Variants in IDE observed in about 807,000 individuals in gnomAD.
The protein encoded by IDE is insulin degrading enzyme, also known as insulin-degrading enzyme.
A neutral mutation model predicts 133.2 loss-of-function variants in IDE; 58 were observed. The ratio of observed to expected loss-of-function variants is 0.44; its 90% CI spans 0.35 to 0.54. The LOEUF (loss-of-function observed/expected upper bound fraction) is 0.54, where lower values mean the gene tolerates loss of function less well. Among genes scored for constraint, IDE ranks in the 20% least tolerant of loss-of-function variants. The pLI is 0.00. For missense variants in IDE, 981 were observed against 1,234.0 expected (o/e 0.79, Z 3.07); for synonymous variants, 396 against 421.3 (o/e 0.94, Z 0.73).
Position 92,465,756 on chromosome 10 carries a change from G to A in IDE, c.2408C>T (p.Ser803Leu). 1 of 1,613,870 alleles carries A rather than the reference G, an allele frequency of 6.2e-7. No homozygotes were observed. Among genetic ancestry groups the A allele is most frequent in the Non-Finnish European group, 8.5e-7 (1 of 1,179,770 alleles). Residue 803 changes from serine to leucine, a missense_variant, in exon 20 of 25, where the codon TCA becomes TTA. Coordinates refer to ENST00000265986, the MANE Select transcript of IDE (RefSeq NM_004969.4). ...GAAGAGCTCCAGAAACATATTCTCT[G>A]AGGTGCTTTGCATGTCTGTTTGGTA... is the stretch of plus-strand genomic sequence containing the variant. ...IYYQTDMQST[S>L]ENMFLELFCQ...
intron 1 of IDE, among the ~76,000 whole-genome samples, chr10:92,563,261 A>G (rs1362152431): frequency 2.1e-5 from 3 of 145,686 alleles, no homozygotes; most frequent in Non-Finnish European, 4.6e-5. Flanking sequence ...CGGGGGGGAA[A>G]AAACCATGGT....
Position 92,483,255 on chromosome 10 carries a change from C to T in IDE, c.1739G>A (p.Ser580Asn). Residue 580 changes from serine to asparagine, a missense_variant and splice_region_variant, in exon 14 of 25, where the codon AGC (serine) becomes AAC (asparagine). Physicochemically the swap from Ser to Asn is conservative, Grantham distance 46. This residue lies in a region of IDE where 660 missense variants were observed against 894.7 expected (regional missense o/e 0.74). Coordinates refer to ENST00000265986, the MANE Select transcript of IDE (RefSeq NM_004969.4). ...TATAAGCTAGATTCATCTTACATACCTGAAAAATTCAAAGTTGAGACAAGC... is the reference window on the plus strand; with the variant it reads ...TATAAGCTAGATTCATCTTACATACTTGAAAAATTCAAAGTTGAGACAAGC... Reference protein sequence around the residue: ...PKACLNFEFFSPFAYVDPLHC... With the variant: ...PKACLNFEFFNPFAYVDPLHC... 6.5e-7 allele frequency: 1 copy of T among 1,540,936 alleles called. No individual in the cohort carries two copies. The highest frequency in any genetic ancestry group is 1.1e-5 in the South Asian group (1 of 89,516).
At chr10:92,493,387 T>C (rs921436701) in intron 11 of IDE, among the ~76,000 whole-genome samples, 2 of 151,772 alleles carry the variant, frequency 1.3e-5, no homozygotes, top group Non-Finnish European at 2.9e-5. Context: ...ATGAAACGCT[T>C]GATTTCTTTT....
In IDE at chr10:92,463,893, A is replaced by C; in HGVS notation, c.2599T>G (p.Leu867Val). The C allele has an allele frequency of 6.2e-7, 1 of 1,614,184 alleles. No homozygotes were observed. The highest frequency in any genetic ancestry group is 8.5e-7 in the Non-Finnish European group (1 of 1,180,022). ...TCTATGGACTTTTCCATGGTAATTA[A>C]GAAAGCTTCCACTCTGCTTTCTAGG... ...HYLESRVEAF[L>V]ITMEKSIEDM... The change falls in exon 21 of 25, where the codon TTA becomes GTA. Residue 867 changes from leucine (L) to valine (V), a missense_variant. Leu to Val is a conservative substitution (Grantham distance 32, BLOSUM62 1). Around this residue, in one of 2 missense-constraint regions of IDE, gnomAD observed 660 missense variants for 894.7 expected, o/e 0.74. Transcript: ENST00000265986.
intron 1 of IDE, among the ~76,000 whole-genome samples, chr10:92,560,918 C>T (rs1169250903): frequency 6.6e-6 from 1 of 152,156 alleles, no homozygotes; most frequent in Non-Finnish European, 1.5e-5. Context: ...TTCACTCCAT[C>T]CTCACCTGGG....
intron 11 of IDE, among the ~76,000 whole-genome samples, chr10:92,495,271 A>G (rs1589421557): frequency 7.4e-6 from 1 of 135,182 alleles, no homozygotes; most frequent in African/African-American, 2.8e-5. Context: ...CCCAGGCTGG[A>G]GTGCAGTGGC....
chr10:92,539,189 CTTT>C (rs879745601), intron 1 of IDE, among the ~76,000 whole-genome samples: 2 of 145,340 alleles, frequency 1.4e-5, no homozygotes. Context: ...TCCCCTAGAT[CTTT>C]TTTTTTTTTC....
At chr10:92,491,504 T>C (rs1419957178) in intron 11 of IDE, among the ~76,000 whole-genome samples, 1 of 152,084 alleles carries the variant, frequency 6.6e-6, no homozygotes, top group East Asian at 1.9e-4. Context: ...GACCAAAAAA[T>C]GTCTACCACT....
At chr10:92,550,731 G>A (rs986571716) in intron 1 of IDE, among the ~76,000 whole-genome samples, 2 of 151,592 alleles carry the variant, frequency 1.3e-5, no homozygotes, top group Non-Finnish European at 1.5e-5. Context: ...TTAGCTGGGC[G>A]TGGTGGCATG....
intron 5 of IDE, among the ~76,000 whole-genome samples, chr10:92,511,788 T>C (rs1564636858): frequency 1.3e-5 from 2 of 152,108 alleles, no homozygotes; most frequent in African/African-American, 4.8e-5. Flanking sequence ...AATTTAGGAA[T>C]GGAGAAGGAA....
At chr10:92,526,801 G>A (rs1394000355) in intron 4 of IDE, among the ~76,000 whole-genome samples, 2 of 143,302 alleles carry the variant, frequency 1.4e-5, no homozygotes, top group Admixed American at 7.3e-5. Context: ...TGCCAAGATT[G>A]CACCACTGCA....
At chr10:92,550,708 A>G (rs1299489740) in intron 1 of IDE, among the ~76,000 whole-genome samples, 1 of 150,954 alleles carries the variant, frequency 6.6e-6, no homozygotes, top group Admixed American at 6.6e-5. Context: ...CGTTTCTACT[A>G]AAAATATAAA....
At chr10:92,534,462 C>A (rs900368272) in intron 3 of IDE, 116 bp downstream of exon 3, 4 of 675,626 alleles carry the variant, frequency 5.9e-6, no homozygotes, top group Admixed American at 2.8e-5. Context: ...CAGGGAAAAA[C>A]ACTGTTTAAA....
At chr10:92,573,440 T>C (rs958084428) in intron 1 of IDE, among the ~76,000 whole-genome samples, 2 of 152,148 alleles carry the variant, frequency 1.3e-5, no homozygotes, top group African/African-American at 4.8e-5. Flanking sequence ...CACACGGTCC[T>C]GGAAACTCAG....
At chr10:92,562,328 T>C (rs1843320357) in intron 1 of IDE, among the ~76,000 whole-genome samples, 1 of 152,208 alleles carries the variant, frequency 6.6e-6, no homozygotes, top group South Asian at 2.1e-4. Flanking sequence ...AAAAGAACTA[T>C]GCACCTGTAG....
intron 24 of IDE, 27 bp downstream of exon 24, chr10:92,455,549 A>G: frequency 7.2e-7 from 1 of 1,383,910 alleles, no homozygotes; most frequent in Non-Finnish European, 1.0e-6. Flanking sequence ...CTGTCAGTAC[A>G]ATCTAACATA....
chr10:92,474,814 C>A (rs1195893708), intron 17 of IDE, 27 bp downstream of exon 17: 1 of 1,586,720 alleles, frequency 6.3e-7, no homozygotes, highest in Non-Finnish European at 8.5e-7. Context: ...ATGAAGAAAG[C>A]ATTAAGCTTT....
At chr10:92,462,317 T>TAAAAA (rs57235158) in intron 21 of IDE, among the ~76,000 whole-genome samples, 1 of 75,164 alleles carries the variant, frequency 1.3e-5, no homozygotes, top group Non-Finnish European at 2.6e-5. Context: ...AACTGTCTCA[T>TAAAAA]AAAAAAAAAA....
chr10:92,476,175 CT>C (rs869242486), intron 15 of IDE, among the ~76,000 whole-genome samples, 181 bp from the exon 16 acceptor site: 315 of 142,688 alleles, frequency 2.2e-3, no homozygotes, highest in East Asian at 4.2e-3. Flanking sequence ...CATTAACCAT[CT>C]TTTTTTTTTT....
Sources: gnomAD v4.1 joint callset for allele counts (sites outside exome capture counted in the v4.1 genomes callset) on GRCh38, gnomAD v4.1.1 for gene constraint, gnomAD v4.1.1 regional missense constraint, MANE v1.5 for transcripts, NCBI Gene and HGNC (gene_info 2026-07-23, HGNC 2026-07-21) for gene names.